Variants in PRKG1 observed in about 807,000 individuals in gnomAD.
The protein encoded by PRKG1 is protein kinase cGMP-dependent 1.
PRKG1 carries 35 observed loss-of-function variants against 88.1 expected under a neutral mutation model. The observed-to-expected ratio is 0.40, with a 90% CI of 0.30 to 0.53. The LOEUF is 0.53. Ranked by LOEUF, PRKG1 falls within the 20% of genes least tolerant of loss-of-function variation. The probability of loss-of-function intolerance (pLI) is 0.59; values close to 1 mark genes in which losing one functional copy is unlikely to be tolerated. For missense variants in PRKG1, 540 were observed against 839.8 expected, an observed-to-expected ratio of 0.64 and a Z score of 4.41; for synonymous variants, 303 against 292.5, an observed-to-expected ratio of 1.04 and a Z score of -0.37.
intron 2 of PRKG1, among the ~76,000 whole-genome samples, chr10:51,168,116 T>A (rs1165760986): frequency 3.3e-5 from 5 of 152,210 alleles, no homozygotes; most frequent in African/African-American, 4.8e-5. Context: ...AAACTAATAT[T>A]CTTAAAGCAG....
rs1012802131 is a variant in PRKG1 at position 52,235,499 on chromosome 10, A to C, written c.1077-16071A>C. 8.0e-3 allele frequency among the ~76,000 whole-genome samples: 1,199 copies of C among 150,442 alleles called. 17 individuals are homozygous for C. The highest frequency in any genetic ancestry group is 0.028 in the African/African-American group (1,135 of 40,916). Reference sequence around the variant, plus strand: ...TACCAAGCAAATGGAGAACAAAAAAAGGCAGGGGTTGCAATCCTAGTTTCT... The same window carrying C: ...TACCAAGCAAATGGAGAACAAAAAACGGCAGGGGTTGCAATCCTAGTTTCT... On this transcript the variant is annotated intron_variant, in intron 9 of 17. Coordinates refer to ENST00000373980, the MANE Select transcript of PRKG1 (RefSeq NM_006258.4).
At chr10:52,163,711 CTG>C (rs1227949443) in intron 9 of PRKG1, among the ~76,000 whole-genome samples, 2 of 152,110 alleles carry the variant, frequency 1.3e-5, no homozygotes, top group African/African-American at 2.4e-5. Flanking sequence ...ATAAAGATAA[CTG>C]TGTGTACATC....
chr10:51,013,045 G>A (rs1026573968), intron 1 of PRKG1, among the ~76,000 whole-genome samples: 2 of 152,316 alleles, frequency 1.3e-5, no homozygotes, highest in Admixed American at 6.5e-5. Flanking sequence ...TGACAGGAAC[G>A]GTGGCACGCA....
At chr10:51,007,322 A>G (rs1297721288) in intron 1 of PRKG1, among the ~76,000 whole-genome samples, 1 of 152,190 alleles carries the variant, frequency 6.6e-6, no homozygotes, top group African/African-American at 2.4e-5. Flanking sequence ...ATTAAATAGC[A>G]AGGGATTAAT....
At chr10:51,966,089 AT>A (rs1337825840) in intron 5 of PRKG1, among the ~76,000 whole-genome samples, 1 of 152,114 alleles carries the variant, frequency 6.6e-6, no homozygotes, top group Non-Finnish European at 1.5e-5. Context: ...TTTAATTTTA[AT>A]TTTGCATTAA....
chr10:51,031,503 A>T lies in PRKG1; in HGVS notation c.266+39859A>T, dbSNP rs374791412. 5.9e-4 allele frequency among the ~76,000 whole-genome samples: 90 copies of T among 152,294 alleles called. 1 individual carries two copies. In the East Asian group the frequency reaches 7.9e-3, roughly 13 times the overall value. ...TATTATTTATTATCTAGACCCAAGGATTGGAGCAGAGGGCAGGAGGTGAAT... is the reference window on the plus strand; with the variant it reads ...TATTATTTATTATCTAGACCCAAGGTTTGGAGCAGAGGGCAGGAGGTGAAT... On this transcript the variant is annotated intron_variant, in intron 1 of 17. Transcript: ENST00000401604.
At chr10:51,709,306 A>G (rs563519106) in intron 3 of PRKG1, among the ~76,000 whole-genome samples, 28 of 152,336 alleles carry the variant, frequency 1.8e-4, no homozygotes, top group African/African-American at 6.7e-4. Flanking sequence ...TCCATCCTTC[A>G]TATAAAAATA....
intron 2 of PRKG1, among the ~76,000 whole-genome samples, chr10:51,321,489 A>G (rs1221947957): frequency 6.6e-6 from 1 of 152,130 alleles, no homozygotes; most frequent in East Asian, 1.9e-4. Context: ...ATGCTAGCCT[A>G]TGTTAAGTGA....
rs554707108 is a variant in PRKG1, at chr10:51,739,112, A to G, written c.593-65473A>G. 1.5e-3 allele frequency among the ~76,000 whole-genome samples: 229 copies of G among 152,364 alleles called. 1 individual carries two copies. The highest frequency in any genetic ancestry group is 5.3e-3 in the African/African-American group (221 of 41,590). On this transcript the variant is annotated intron_variant, in intron 3 of 17. Transcript: ENST00000373980. ...TTTCATTTTGCTCTGTGCTCTGCAC[A>G]TTATAAAGTCAGTCCTGGATCTTAG... is the stretch of plus-strand genomic sequence containing the variant.
chr10:51,173,032 C>A (rs922966392), intron 2 of PRKG1, among the ~76,000 whole-genome samples: 16 of 152,124 alleles, frequency 1.1e-4, no homozygotes, highest in Admixed American at 1.0e-3. Context: ...CTTGACACTA[C>A]AACTCCACAA....
intron 2 of PRKG1, among the ~76,000 whole-genome samples, chr10:51,318,660 G>C (rs1222823667): frequency 6.6e-6 from 1 of 152,110 alleles, no homozygotes; most frequent in African/African-American, 2.4e-5. Flanking sequence ...CAAGACACCA[G>C]ATCAGGGGGA....
At chr10:51,890,530 A>G (rs1421467190) in intron 4 of PRKG1, among the ~76,000 whole-genome samples, 1 of 152,258 alleles carries the variant, frequency 6.6e-6, no homozygotes, top group East Asian at 1.9e-4. Context: ...TTGCCTGAAA[A>G]TTAGTACATA....
rs1444634492 is a variant in PRKG1, at chr10:52,081,223, C to T, written c.935+18592C>T. 2.6e-5 allele frequency among the ~76,000 whole-genome samples: 4 copies of T among 152,264 alleles called. No individual in the cohort carries two copies. In the East Asian group the frequency reaches 7.7e-4, roughly 29 times the overall value. ...AGTTAATGTGGTACAATAAAAAATA[C>T]TGGGGATCAGGCAAAGACACGCATG... is the stretch of plus-strand genomic sequence containing the variant. On this transcript the variant is annotated intron_variant, in intron 7 of 17. Transcript: ENST00000373980.
At chr10:51,335,793 A>G (rs1841861457) in intron 2 of PRKG1, among the ~76,000 whole-genome samples, 1 of 152,188 alleles carries the variant, frequency 6.6e-6, no homozygotes, top group South Asian at 2.1e-4. Context: ...CAATGTTTCA[A>G]CAAAGATCAT....
At chr10:52,023,330 G>T (rs1231493943) in intron 5 of PRKG1, among the ~76,000 whole-genome samples, 1 of 152,132 alleles carries the variant, frequency 6.6e-6, no homozygotes, top group African/African-American at 2.4e-5. Flanking sequence ...GGGCATTTGG[G>T]TTGGTTCCAA....
chr10:51,665,603 A>G (rs1318928441), intron 3 of PRKG1, among the ~76,000 whole-genome samples: 2 of 152,176 alleles, frequency 1.3e-5, no homozygotes, highest in Non-Finnish European at 2.9e-5. Context: ...GTTTATGGTC[A>G]GGATATGAAG....
At chr10:51,294,304 A>G (rs1389328887) in intron 2 of PRKG1, among the ~76,000 whole-genome samples, 1 of 152,106 alleles carries the variant, frequency 6.6e-6, no homozygotes, top group Non-Finnish European at 1.5e-5. Flanking sequence ...ATTAATTTCA[A>G]GAAGCTTGTT....
intron 1 of PRKG1, among the ~76,000 whole-genome samples, chr10:51,088,094 T>C (rs906874662): frequency 6.6e-6 from 1 of 152,184 alleles, no homozygotes; most frequent in African/African-American, 2.4e-5. Context: ...TAAACACAAC[T>C]ACATATACCT....
At chr10:51,712,412 T>C (rs1421602389) in intron 3 of PRKG1, among the ~76,000 whole-genome samples, 1 of 152,198 alleles carries the variant, frequency 6.6e-6, no homozygotes, top group East Asian at 1.9e-4. Flanking sequence ...CAAGGTGCCA[T>C]ATTTTGGGGA....
Sources: allele counts gnomAD v4.1 joint callset (sites outside exome capture counted in the v4.1 genomes callset), GRCh38; gene constraint gnomAD v4.1.1; transcripts MANE v1.5; gene names NCBI Gene and HGNC (gene_info 2026-07-23, HGNC 2026-07-21).